Variants in NRXN1 observed in about 807,000 individuals in gnomAD.
NRXN1 encodes neurexin-1.
In NRXN1, 39 loss-of-function variants were observed where a neutral mutation model predicts 150.9. That is an observed-to-expected ratio of 0.26 (90% CI 0.20 to 0.34). The LOEUF is 0.34. Ranked by LOEUF, NRXN1 falls within the 10% of genes least tolerant of loss-of-function variation. The pLI is 1.00. For missense variants in NRXN1, 1,815 were observed against 1,949.9 expected (o/e 0.93, Z 1.30); for synonymous variants, 924 against 757.0 (o/e 1.22, Z -3.62).
chr2:50,527,036 T>G (rs890433256), intron 12 of NRXN1, among the ~76,000 whole-genome samples: 4 of 152,228 alleles, frequency 2.6e-5, no homozygotes, highest in South Asian at 2.1e-4. Context: ...ACATGTCATT[T>G]GAATAATTTT....
chr2:49,973,212 T>G (rs1678264153), intron 21 of NRXN1: 1 of 152,216 alleles, frequency 6.6e-6, no homozygotes. Flanking sequence ...GGGAGGCATT[T>G]TAGAAAATTA....
At chr2:50,163,873 G>T (rs1377052443) in intron 18 of NRXN1, among the ~76,000 whole-genome samples, 1 of 152,150 alleles carries the variant, frequency 6.6e-6, no homozygotes, top group African/African-American at 2.4e-5. Flanking sequence ...TGGCAATGAG[G>T]AGACATCTAT....
intron 18 of NRXN1, among the ~76,000 whole-genome samples, chr2:50,233,783 A>T (rs1232641854): frequency 1.3e-5 from 2 of 152,124 alleles, no homozygotes; most frequent in Non-Finnish European, 2.9e-5. Flanking sequence ...AATCATAAGC[A>T]ATAATCTAGA....
Position 50,300,950 on chromosome 2 carries a change from C to T in NRXN1, c.3365-63980G>A, listed in dbSNP as rs2074092489. Among the ~76,000 whole-genome samples, 3 of 152,088 alleles carry T rather than the reference C, an allele frequency of 2.0e-5. No individual in the cohort carries two copies. In the South Asian group the frequency reaches 6.2e-4, roughly 32 times the overall value. ...ACCTCAGGTGATCCACCCTTCTTGGCTTCCCAAAGTGTTGGGATTACAAGC... is the reference window on the plus strand; with the variant it reads ...ACCTCAGGTGATCCACCCTTCTTGGTTTCCCAAAGTGTTGGGATTACAAGC... On this transcript the variant is annotated intron_variant, in intron 17 of 22. Coordinates refer to ENST00000401669, the MANE Select transcript of NRXN1 (RefSeq NM_001330078.2).
intron 18 of NRXN1, among the ~76,000 whole-genome samples, chr2:50,150,865 C>G (rs887430493): frequency 1.3e-4 from 19 of 151,810 alleles, no homozygotes; most frequent in African/African-American, 4.6e-4. Context: ...AAACACAGTA[C>G]CTTACCTCCC....
At chr2:50,809,214 A>G (rs1376271961) in intron 5 of NRXN1, among the ~76,000 whole-genome samples, 3 of 152,082 alleles carry the variant, frequency 2.0e-5, no homozygotes, top group Non-Finnish European at 2.9e-5. Flanking sequence ...AGGACTTAGT[A>G]AAAGTCCTCA....
At chr2:50,173,508 C>T (rs2060154275) in intron 18 of NRXN1, among the ~76,000 whole-genome samples, 1 of 152,130 alleles carries the variant, frequency 6.6e-6, no homozygotes. Flanking sequence ...CAACAACGTT[C>T]ATTCAGCCCA....
chr2:50,902,858 T>A (rs1683147597), intron 5 of NRXN1, among the ~76,000 whole-genome samples: 1 of 152,200 alleles, frequency 6.6e-6, no homozygotes, highest in Non-Finnish European at 1.5e-5. Context: ...AAGTCAAAAA[T>A]GAATTAATAG....
intron 5 of NRXN1, among the ~76,000 whole-genome samples, chr2:50,825,900 C>A (rs1371861022): frequency 2.0e-5 from 3 of 152,174 alleles, no homozygotes; most frequent in Non-Finnish European, 2.9e-5. Flanking sequence ...TGTTGGAGAA[C>A]TGCTGGCTTG....
intron 22 of NRXN1, among the ~76,000 whole-genome samples, chr2:49,925,562 T>C (rs748594798): frequency 4.6e-5 from 7 of 152,108 alleles, no homozygotes; most frequent in African/African-American, 9.7e-5. Flanking sequence ...AGTCATCTCA[T>C]CCATTTACTA....
chr2:50,448,637 T>G lies in NRXN1; in HGVS notation c.3364+16805A>C, dbSNP rs556182926. ...TTTTTACTAAACTAAAATGCATATC[T>G]TTTATTACCCTAATAGTTTCATTGC... On this transcript the variant is annotated intron_variant, in intron 17 of 22. Transcript: ENST00000401669. 2.6e-5 allele frequency among the ~76,000 whole-genome samples: 4 copies of G among 152,322 alleles called. No individual in the cohort carries two copies. The South Asian group carries it at 6.2e-4, about 24-fold the overall frequency.
At chr2:50,656,063 T>G (rs1686412221) in intron 5 of NRXN1, among the ~76,000 whole-genome samples, 5 of 151,976 alleles carry the variant, frequency 3.3e-5, no homozygotes, top group Admixed American at 3.3e-4. Flanking sequence ...ATCTGGAATC[T>G]AAGCACTTCT....
At chr2:50,919,333 TGAA>T (rs1685660984) in intron 5 of NRXN1, 1 of 151,764 alleles carries the variant, frequency 6.6e-6, no homozygotes, top group African/African-American at 2.4e-5. Context: ...GAGAGGAGGA[TGAA>T]GAAGGTTATC....
intron 8 of NRXN1, among the ~76,000 whole-genome samples, chr2:50,612,347 A>G (rs1006123055): frequency 6.6e-6 from 1 of 152,204 alleles, no homozygotes; most frequent in African/African-American, 2.4e-5. Context: ...GCTAGTAAAG[A>G]CAAAATACCA....
intron 17 of NRXN1, among the ~76,000 whole-genome samples, chr2:50,459,060 T>C (rs2087891366): frequency 6.6e-6 from 1 of 152,084 alleles, no homozygotes; most frequent in Non-Finnish European, 1.5e-5. Flanking sequence ...TTGTAGTTCT[T>C]TTTATGCACT....
intron 5 of NRXN1, chr2:50,912,350 G>C (rs1401190170): frequency 1.3e-5 from 2 of 151,872 alleles, no homozygotes; most frequent in Non-Finnish European, 2.9e-5. Context: ...TCAGAATTTA[G>C]GGAAGCTCTA....
At chr2:50,978,299 T>TATATATAAA (rs1459502355) in intron 2 of NRXN1, among the ~76,000 whole-genome samples, 1 of 119,230 alleles carries the variant, frequency 8.4e-6, no homozygotes, top group Non-Finnish European at 1.8e-5. Context: ...TATATATATA[T>TATATATAAA]ATATATAAAA....
chr2:50,770,443 T>C (rs1702878600), intron 5 of NRXN1, among the ~76,000 whole-genome samples: 1 of 152,010 alleles, frequency 6.6e-6, no homozygotes, highest in Non-Finnish European at 1.5e-5. Flanking sequence ...TTGTTGTTGT[T>C]AATGATCTAC....
chr2:50,656,291 C>T, intron 5 of NRXN1: 3 of 720,838 alleles, frequency 4.2e-6, no homozygotes, highest in South Asian at 3.1e-5. Flanking sequence ...ATTAAATAGG[C>T]TTTTAAAGTT....
Sources: gnomAD v4.1 joint callset for allele counts (sites outside exome capture counted in the v4.1 genomes callset) on GRCh38, gnomAD v4.1.1 for gene constraint, MANE v1.5 for transcripts, NCBI Gene and HGNC (gene_info 2026-07-23, HGNC 2026-07-21) for gene names.